XDH: variants seen among roughly 807,000 people sequenced by gnomAD.
The protein encoded by XDH is xanthine dehydrogenase/oxidase.
Under a neutral mutation model 156.1 loss-of-function variants are expected in XDH, and 138 were observed. The ratio of observed to expected loss-of-function variants is 0.88; its 90% CI spans 0.77 to 1.02. The LOEUF is 1.02. Among genes scored for constraint, XDH ranks in the 50% least tolerant of loss-of-function variants. The probability of loss-of-function intolerance (pLI) is 0.00; values close to 1 mark genes in which losing one functional copy is unlikely to be tolerated. For missense variants in XDH, 1,849 were observed against 1,684.9 expected (o/e 1.10, Z -1.71); for synonymous variants, 669 against 625.7 (o/e 1.07, Z -1.03).
chr2:31,401,785 G>A (rs1407072183), intron 3 of XDH, among the ~76,000 whole-genome samples: 1 of 152,224 alleles, frequency 6.6e-6, no homozygotes, highest in Non-Finnish European at 1.5e-5. Context: ...TGTGGGGAAA[G>A]GGGGAGGAAA....
At chr2:31,340,690 G>A (rs748968301) in intron 33 of XDH, among the ~76,000 whole-genome samples, 3 of 152,024 alleles carry the variant, frequency 2.0e-5, no homozygotes, top group African/African-American at 7.2e-5. Context: ...AGCTGGTCTC[G>A]AACTCCTGAT....
At chr2:31,368,991 G>GATTC (rs1199314491) in intron 18 of XDH, among the ~76,000 whole-genome samples, 3 of 152,156 alleles carry the variant, frequency 2.0e-5, no homozygotes, top group Admixed American at 1.3e-4. Context: ...TGTCAATTCG[G>GATTC]ATTCACTCCA....
chr2:31,398,110 A>G (rs1686957812), intron 5 of XDH, among the ~76,000 whole-genome samples: 1 of 152,218 alleles, frequency 6.6e-6, no homozygotes, highest in Non-Finnish European at 1.5e-5. Flanking sequence ...TGTGACTAAA[A>G]TAACTGAATA....
chr2:31,372,239 G>T lies in XDH; in HGVS notation c.1845C>A (p.His615Gln), dbSNP rs756999209. The change falls in exon 17 of 36, where the codon CAC (histidine) becomes CAA (glutamine). Residue 615 changes from histidine to glutamine, a missense_variant. By Grantham distance (24) the His-to-Gln change is conservative. Coordinates refer to ENST00000379416, the MANE Select transcript of XDH (RefSeq NM_000379.4). ...GCGGTGTCACTCACTTGATCTTGGC[G>T]TGGGCCCGGGTGCTGGTGACCAGCC... is the stretch of plus-strand genomic sequence containing the variant. Reference protein sequence around the residue: ...SLRLVTSTRAHAKIKSIDTSE... With the variant: ...SLRLVTSTRAQAKIKSIDTSE... 1 of 1,614,224 alleles carries T rather than the reference G, an allele frequency of 6.2e-7. No homozygotes were observed. Among genetic ancestry groups the T allele is most frequent in the Admixed American group, 1.7e-5 (1 of 60,030 alleles).
rs1684924668 is a variant in XDH at position 31,334,469 on chromosome 2, C to T, written c.*1489G>A. 6.6e-6 allele frequency: 1 copy of T among 152,106 alleles called. No individual in the cohort carries two copies. The highest frequency in any genetic ancestry group is 6.5e-5 in the Admixed American group (1 of 15,280). The allele number at this position is 152,106 out of a possible 1,614,324, so 9.4% of individuals were successfully genotyped here. On this transcript the variant is annotated 3_prime_UTR_variant, in exon 36 of 36. Transcript: ENST00000379416. Reference sequence around the variant, plus strand: ...AGGCATGTGACAGTGACACATTGTCCACCCAGCACCATGTAGGGATTAAAT... The same window carrying T: ...AGGCATGTGACAGTGACACATTGTCTACCCAGCACCATGTAGGGATTAAAT...
intron 31 of XDH, 141 bp from the exon 32 acceptor site, chr2:31,342,438 G>A (rs961729049): frequency 1.4e-6 from 1 of 721,940 alleles, no homozygotes. Flanking sequence ...TCCATGGTTT[G>A]AACAATTTGA....
Position 31,335,446 on chromosome 2 carries a change from G to T in XDH, c.*512C>A, listed in dbSNP as rs1352377947. 2 of 176,338 alleles carry T rather than the reference G, an allele frequency of 1.1e-5. No individual in the cohort carries two copies. Among genetic ancestry groups the T allele is most frequent in the East Asian group, 1.4e-4 (1 of 6,934 alleles). The allele number at this position is 176,338 out of a possible 1,614,324, so 10.9% of individuals were successfully genotyped here. A position where few individuals can be genotyped will look rare whatever the true frequency, so the allele number is the denominator to read the frequency against. On this transcript the variant is annotated 3_prime_UTR_variant, in exon 36 of 36. Coordinates refer to ENST00000379416, the MANE Select transcript of XDH (RefSeq NM_000379.4). ...CTTTCCAATGATTCAAAGATGGTTA[G>T]AGGATTTAACCTTACCCCACTGCCT... is the stretch of plus-strand genomic sequence containing the variant.
intron 24 of XDH, among the ~76,000 whole-genome samples, chr2:31,361,340 T>A (rs1002131361): frequency 2.4e-4 from 37 of 152,236 alleles, no homozygotes; most frequent in African/African-American, 8.2e-4. Flanking sequence ...TATTTCAGAC[T>A]TTAGCCAGTT....
Position 31,348,854 on chromosome 2 carries a change from G to A in XDH, c.3051+45C>T, listed in dbSNP as rs758444907. The A allele has an allele frequency of 1.9e-6, 3 of 1,547,484 alleles. No homozygotes were observed. The East Asian group carries it at 6.7e-5, about 35-fold the overall frequency. On this transcript the variant is annotated intron_variant, in intron 27 of 35. Coordinates refer to ENST00000379416, the MANE Select transcript of XDH (RefSeq NM_000379.4). ...AATACTGTAAACAACAGGGAAATGGGGTCCCAGTCCAGCGGAGATGGACAC... is the reference window on the plus strand; with the variant it reads ...AATACTGTAAACAACAGGGAAATGGAGTCCCAGTCCAGCGGAGATGGACAC...
intron 18 of XDH, 67 bp from the exon 19 acceptor site, chr2:31,368,727 T>C (rs564846118): frequency 6.2e-7 from 1 of 1,613,650 alleles, no homozygotes; most frequent in African/African-American, 1.3e-5. Flanking sequence ...ATTTTTGGAT[T>C]GTTCAAAAAG....
At chr2:31,385,842 T>C (rs558285621) in intron 9 of XDH, among the ~76,000 whole-genome samples, 88 of 152,316 alleles carry the variant, frequency 5.8e-4, no homozygotes, top group Non-Finnish European at 7.8e-4. Context: ...CTTTACCTTA[T>C]CACATCCTCC....
chr2:31,404,602 T>G (rs1030654263), intron 2 of XDH, among the ~76,000 whole-genome samples: 1 of 152,192 alleles, frequency 6.6e-6, no homozygotes, highest in South Asian at 2.1e-4. Context: ...ATTAAAAAAT[T>G]AAAATTTGTT....
intron 4 of XDH, among the ~76,000 whole-genome samples, chr2:31,399,892 T>C (rs1687010486): frequency 6.6e-6 from 1 of 152,244 alleles, no homozygotes; most frequent in South Asian, 2.1e-4. Flanking sequence ...TATGTCTTTA[T>C]CAGCAGTGTG....
chr2:31,374,188 T>C (rs1380504802), intron 15 of XDH, among the ~76,000 whole-genome samples: 3 of 152,218 alleles, frequency 2.0e-5, no homozygotes, highest in Middle Eastern at 3.4e-3. Flanking sequence ...GTAGACTGAA[T>C]GGTCTGTACT....
intron 5 of XDH, among the ~76,000 whole-genome samples, chr2:31,398,349 G>A (rs1252275568): frequency 1.3e-5 from 2 of 152,132 alleles, no homozygotes; most frequent in Non-Finnish European, 2.9e-5. Context: ...TCAGAAATAT[G>A]GACACAAAGG....
At chr2:31,369,832 C>G (rs958917483) in intron 18 of XDH, among the ~76,000 whole-genome samples, 1 of 152,196 alleles carries the variant, frequency 6.6e-6, no homozygotes, top group Non-Finnish European at 1.5e-5. Context: ...CATTGGATGT[C>G]TATTGGAATT....
At chr2:31,413,250 G>C (rs1687389940) in intron 1 of XDH, among the ~76,000 whole-genome samples, 1 of 152,166 alleles carries the variant, frequency 6.6e-6, no homozygotes, top group Non-Finnish European at 1.5e-5. Flanking sequence ...AGCTCTCCTA[G>C]AAAGCCAATT....
intron 4 of XDH, 51 bp downstream of exon 4, chr2:31,401,169 G>A (rs913744496): frequency 1.9e-6 from 3 of 1,602,468 alleles, no homozygotes; most frequent in Non-Finnish European, 2.6e-6. Context: ...GAGCCTCCCT[G>A]CAGAGGAAAG....
chr2:31,356,907 G>A (rs1685641084), intron 24 of XDH, among the ~76,000 whole-genome samples: 1 of 152,016 alleles, frequency 6.6e-6, no homozygotes, highest in Non-Finnish European at 1.5e-5. Context: ...AATGAAACTA[G>A]AAATCAATAG....
Sources: allele counts gnomAD v4.1 joint callset (sites outside exome capture counted in the v4.1 genomes callset), GRCh38; gene constraint gnomAD v4.1.1; transcripts MANE v1.5; gene names NCBI Gene and HGNC (gene_info 2026-07-23, HGNC 2026-07-21).